ATG10: variants seen among roughly 807,000 people sequenced by gnomAD.
The protein encoded by ATG10 is autophagy related 10, also known as ubiquitin-like-conjugating enzyme ATG10.
Under a neutral mutation model 32.1 loss-of-function variants are expected in ATG10, and 30 were observed. That is an observed-to-expected ratio of 0.94 (90% CI 0.70 to 1.27). The LOEUF (loss-of-function observed/expected upper bound fraction) is 1.27. Ranked by LOEUF, ATG10 falls within the 50% of genes most tolerant of loss-of-function variation. The pLI is 0.00. For missense variants in ATG10, 233 were observed against 262.3 expected, an observed-to-expected ratio of 0.89 and a Z score of 0.77; for synonymous variants, 87 against 91.5, an observed-to-expected ratio of 0.95 and a Z score of 0.28.
At chr5:82,139,017 T>C (rs1053404806) in intron 3 of ATG10, among the ~76,000 whole-genome samples, 5 of 150,704 alleles carry the variant, frequency 3.3e-5, no homozygotes, top group African/African-American at 7.3e-5. Flanking sequence ...CACGCCTGAC[T>C]GGTTTTGGTG....
intron 3 of ATG10, among the ~76,000 whole-genome samples, chr5:82,108,257 A>G (rs1236085939): frequency 6.6e-6 from 1 of 152,032 alleles, no homozygotes; most frequent in Non-Finnish European, 1.5e-5. Flanking sequence ...ACATTATATC[A>G]TCGTGGATAA....
chr5:82,145,962 C>A (rs1012697897), intron 3 of ATG10, among the ~76,000 whole-genome samples: 1 of 152,156 alleles, frequency 6.6e-6, no homozygotes, highest in African/African-American at 2.4e-5. Flanking sequence ...CCACCTTGGC[C>A]TCCCAAAGTG....
At chr5:82,118,382 ATG>A (rs1404527358) in intron 3 of ATG10, among the ~76,000 whole-genome samples, 1 of 75,296 alleles carries the variant, frequency 1.3e-5, no homozygotes, top group Non-Finnish European at 2.6e-5. Flanking sequence ...CATATAATAT[ATG>A]TACATATATA....
intron 3 of ATG10, among the ~76,000 whole-genome samples, chr5:82,160,134 A>G (rs1342246344): frequency 6.6e-6 from 1 of 152,178 alleles, no homozygotes; most frequent in Non-Finnish European, 1.5e-5. Flanking sequence ...AAGATACAGA[A>G]TAGTTCCATC....
intron 3 of ATG10, among the ~76,000 whole-genome samples, chr5:82,077,779 A>T (rs368376969): frequency 6.6e-6 from 1 of 152,290 alleles, no homozygotes; most frequent in South Asian, 2.1e-4. Context: ...TTCTGATTTG[A>T]TTGATGCTTT....
chr5:82,142,257 A>G (rs1037808985), intron 3 of ATG10, among the ~76,000 whole-genome samples: 1 of 152,238 alleles, frequency 6.6e-6, no homozygotes, highest in African/African-American at 2.4e-5. Flanking sequence ...TGAAAATACA[A>G]TAAAATAATT....
intron 2 of ATG10, among the ~76,000 whole-genome samples, chr5:82,037,482 C>T (rs1296048368): frequency 4.0e-5 from 6 of 150,720 alleles, no homozygotes; most frequent in Admixed American, 6.6e-5. Flanking sequence ...CTCCTGACCT[C>T]GTGATCCGCC....
At chr5:82,107,390 G>A (rs1765475918) in intron 3 of ATG10, among the ~76,000 whole-genome samples, 1 of 152,036 alleles carries the variant, frequency 6.6e-6, no homozygotes. Context: ...GGTGTTTGCA[G>A]GAGATAAAGG....
intron 3 of ATG10, among the ~76,000 whole-genome samples, chr5:82,109,597 C>A (rs577446830): frequency 2.2e-4 from 34 of 151,758 alleles, no homozygotes; most frequent in African/African-American, 8.0e-4. Context: ...AGAAAAAAAT[C>A]ACTATTTTTT....
chr5:82,085,553 G>A (rs182354640), intron 3 of ATG10, among the ~76,000 whole-genome samples: 7 of 151,586 alleles, frequency 4.6e-5, no homozygotes, highest in African/African-American at 9.7e-5. Flanking sequence ...ACAACATAAC[G>A]GGTGCAGCAC....
At chr5:81,972,770 A>G (rs1299349473) in intron 1 of ATG10, among the ~76,000 whole-genome samples, 1 of 151,904 alleles carries the variant, frequency 6.6e-6, no homozygotes, top group Non-Finnish European at 1.5e-5. Context: ...TTTTTTTTAA[A>G]CCTCCCAAAA....
At chr5:81,988,036 G>A (rs1053789581) in intron 2 of ATG10, among the ~76,000 whole-genome samples, 1 of 152,174 alleles carries the variant, frequency 6.6e-6, no homozygotes, top group African/African-American at 2.4e-5. Flanking sequence ...TTCGTCTGGA[G>A]AGTAAAAAGA....
chr5:82,021,267 A>T (rs1420551147), intron 2 of ATG10, among the ~76,000 whole-genome samples: 1 of 152,200 alleles, frequency 6.6e-6, no homozygotes, highest in African/African-American at 2.4e-5. Flanking sequence ...TTGCATCTGG[A>T]TAGGCTGACC....
At chr5:82,133,399 C>G (rs1242495694) in intron 3 of ATG10, among the ~76,000 whole-genome samples, 1 of 152,022 alleles carries the variant, frequency 6.6e-6, no homozygotes, top group Non-Finnish European at 1.5e-5. Context: ...TTAATTTTTG[C>G]ATAACGTGTA....
chr5:82,141,853 A>T (rs1320300178), intron 3 of ATG10, among the ~76,000 whole-genome samples: 2 of 152,080 alleles, frequency 1.3e-5, no homozygotes, highest in Admixed American at 1.3e-4. Flanking sequence ...GCTGTTTGAA[A>T]AAAAAAAAAT....
At chr5:82,033,531 G>A (rs149444797) in intron 2 of ATG10, among the ~76,000 whole-genome samples, 41 of 151,924 alleles carry the variant, frequency 2.7e-4, no homozygotes, top group African/African-American at 8.9e-4. Context: ...AGCACCCTTC[G>A]CTTGGCATCT....
intron 3 of ATG10, among the ~76,000 whole-genome samples, chr5:82,143,797 T>G (rs1239558103): frequency 6.6e-6 from 1 of 152,236 alleles, no homozygotes; most frequent in African/African-American, 2.4e-5. Flanking sequence ...CTTACAGTTT[T>G]CTTTTCTTGT....
chr5:81,983,425 C>T (rs1299662389), intron 1 of ATG10, among the ~76,000 whole-genome samples: 1 of 146,036 alleles, frequency 6.8e-6, no homozygotes, highest in Non-Finnish European at 1.5e-5. Flanking sequence ...ACTCCCCCAC[C>T]TCCCTCCCGG....
intron 5 of ATG10, among the ~76,000 whole-genome samples, chr5:82,196,923 G>A (rs10060051): frequency 0.15 from 22,412 of 152,154 alleles, 2,146 homozygotes; most frequent in East Asian, 0.34. Context: ...CTCAATTTCT[G>A]CGAAAATGTC....
Sources: gnomAD v4.1 joint callset for allele counts (sites outside exome capture counted in the v4.1 genomes callset) on GRCh38, gnomAD v4.1.1 for gene constraint, MANE v1.5 for transcripts, NCBI Gene and HGNC (gene_info 2026-07-23, HGNC 2026-07-21) for gene names.